The following KCNC1 variants were observed in gnomAD, a reference collection of about 807,000 sequenced individuals.
KCNC1 encodes the protein voltage-gated potassium channel KCNC1.
Under a neutral mutation model 43.4 loss-of-function variants are expected in KCNC1, and 8 were observed. That is an observed-to-expected ratio of 0.18 (90% CI 0.11 to 0.33). KCNC1 has a LOEUF of 0.33. Ranked by LOEUF, KCNC1 falls within the 10% of genes least tolerant of loss-of-function variation. The probability of loss-of-function intolerance (pLI) is 1.00; values close to 1 mark genes in which losing one functional copy is unlikely to be tolerated. For missense variants in KCNC1, 420 were observed against 836.0 expected (o/e 0.50, Z 6.14); for synonymous variants, 361 against 360.5 (o/e 1.00, Z -0.01).
At chr11:17,751,834 TGA>T (rs1345857461) in intron 1 of KCNC1, among the ~76,000 whole-genome samples, 3 of 152,166 alleles carry the variant, frequency 2.0e-5, no homozygotes, top group East Asian at 1.9e-4. Flanking sequence ...CTAGGCTGTG[TGA>T]GAGAGTCTGT....
rs891906486 is a variant in KCNC1 at position 17,779,812 on chromosome 11, C to T, written c.1693+168C>T. 1.2e-5 allele frequency: 6 copies of T among 502,092 alleles called. No homozygotes were observed. The highest frequency in any genetic ancestry group is 2.0e-5 in the Non-Finnish European group (6 of 296,732). 31.1% of individuals were successfully genotyped at this position (502,092 alleles called of 1,614,324 possible). A position where few individuals can be genotyped will look rare whatever the true frequency, so the allele number is the denominator to read the frequency against. ...CGGCCCCTGGAGGGCTGAGGCCCTT[C>T]CCCCCAAGTGAGATGTCAGGCTGGC... is the stretch of plus-strand genomic sequence containing the variant. On this transcript the variant is annotated intron_variant, in intron 3 of 3. Coordinates refer to ENST00000265969, the MANE Select transcript of KCNC1 (RefSeq NM_001112741.2). This position sits in a 1 kb window ranked among gnomAD's most constrained non-coding sequence, Gnocchi z 7.2.
In KCNC1 at chr11:17,781,952, T is replaced by C; in HGVS notation, c.*218T>C. On this transcript the variant is annotated 3_prime_UTR_variant, in exon 4 of 4. Transcript: ENST00000265969. This position sits in a 1 kb window ranked among gnomAD's most constrained non-coding sequence, Gnocchi z 5.1. ...TCCTTCTTTTCATTTTTTAAAATTT[T>C]ATTTTATTTGGGGAGGGGGGGTGGA... is the stretch of plus-strand genomic sequence containing the variant. 1 of 466,958 alleles carries C rather than the reference T, an allele frequency of 2.1e-6. No homozygotes were observed. The allele number at this position is 466,958 out of a possible 1,614,324, so 28.9% of individuals were successfully genotyped here. A position where few individuals can be genotyped will look rare whatever the true frequency, so the allele number is the denominator to read the frequency against.
At chr11:17,766,799 G>A (rs993118790) in intron 1 of KCNC1, among the ~76,000 whole-genome samples, 6 of 151,974 alleles carry the variant, frequency 3.9e-5, no homozygotes, top group African/African-American at 1.5e-4. Context: ...GCTCTGCAGT[G>A]GGTGGGGCTG....
intron 1 of KCNC1, among the ~76,000 whole-genome samples, chr11:17,758,000 G>T (rs1329139418): frequency 3.9e-5 from 6 of 152,220 alleles, no homozygotes; most frequent in Non-Finnish European, 8.8e-5. Context: ...TTTCACAAAA[G>T]ATTTCTCTGT....
chr11:17,753,777 G>A (rs778979472), intron 1 of KCNC1, among the ~76,000 whole-genome samples: 3 of 152,196 alleles, frequency 2.0e-5, no homozygotes, highest in African/African-American at 4.8e-5. Flanking sequence ...ATCTCAAGAC[G>A]CTGGGAATAG....
At chr11:17,778,506 T>G (rs1177877852) in intron 2 of KCNC1, among the ~76,000 whole-genome samples, 2 of 152,264 alleles carry the variant, frequency 1.3e-5, no homozygotes, top group Non-Finnish European at 2.9e-5. Flanking sequence ...GCCTCATGCA[T>G]ACATCCTTGT....
At chr11:17,778,857 G>C (rs1849315516) in intron 2 of KCNC1, among the ~76,000 whole-genome samples, 1 of 141,040 alleles carries the variant, frequency 7.1e-6, no homozygotes, top group Admixed American at 7.1e-5. Flanking sequence ...ACGGGCGCAG[G>C]CTGAGTGATT....
In KCNC1 at chr11:17,777,358, A is replaced by T; in HGVS notation, c.1505-2098A>T. Reference sequence around the variant, plus strand: ...CAGCAAGTCCTCACTCCCCTCCCAGAAGGAGACGCTGCCTGGGAGGACCCA... The same window carrying T: ...CAGCAAGTCCTCACTCCCCTCCCAGTAGGAGACGCTGCCTGGGAGGACCCA... On this transcript the variant is annotated intron_variant, in intron 2 of 3. Transcript: ENST00000265969. This position sits in a 1 kb window ranked among gnomAD's most constrained non-coding sequence, Gnocchi z 4.3. The T allele has an allele frequency of 1.0e-6, 1 of 985,786 alleles. No individual in the cohort carries two copies. The highest frequency in any genetic ancestry group is 1.2e-6 in the Non-Finnish European group (1 of 829,956). 61.1% of individuals were successfully genotyped at this position (985,786 alleles called of 1,614,324 possible). A position where few individuals can be genotyped will look rare whatever the true frequency, so the allele number is the denominator to read the frequency against.
At chr11:17,774,764 T>C in intron 2 of KCNC1, 1 of 985,438 alleles carries the variant, frequency 1.0e-6, no homozygotes, top group Non-Finnish European at 1.2e-6. Flanking sequence ...CCTCTGGAGC[T>C]TGGATGCCTG....
At chr11:17,780,659 C>T (rs1210248994) in intron 3 of KCNC1, 1 of 152,340 alleles carries the variant, frequency 6.6e-6, no homozygotes, top group Non-Finnish European at 1.5e-5. Context: ...TTGGTGCAGC[C>T]TATGGTCATT....
rs145156513 is a variant in KCNC1, at chr11:17,776,419, G to A, written c.1505-3037G>A. ...CCCCGCGTGCGCCCCTCCGGTGCCC[G>A]CAGCTGGTGTGAACAGTAAGTACTT... On this transcript the variant is annotated intron_variant, in intron 2 of 3. Coordinates refer to ENST00000265969, the MANE Select transcript of KCNC1 (RefSeq NM_001112741.2). The surrounding 1 kb of genome is among the most constrained non-coding windows in gnomAD (Gnocchi z 4.4). The A allele has an allele frequency of 5.9e-3, 5,807 of 985,422 alleles. 11 individuals are homozygous for A. Among genetic ancestry groups the A allele is most frequent in the Non-Finnish European group, 6.6e-3 (5,471 of 829,944 alleles). The allele number at this position is 985,422 out of a possible 1,614,324, so 61.0% of individuals were successfully genotyped here.
Position 17,779,752 on chromosome 11 carries a change from C to T in KCNC1, c.1693+108C>T, listed in dbSNP as rs1470982228. ...GGCGCTGAGGGGCAGGCAGGCACAC[C>T]GAGGGGGGCAAGGATGGAGGGAATC... On this transcript the variant is annotated intron_variant, in intron 3 of 3. Transcript: ENST00000265969. The surrounding 1 kb of genome is among the most constrained non-coding windows in gnomAD (Gnocchi z 7.2). 9.0e-6 allele frequency: 8 copies of T among 886,986 alleles called. No homozygotes were observed. The East Asian group carries it at 1.2e-4, about 14-fold the overall frequency. The allele number at this position is 886,986 out of a possible 1,614,324, so 54.9% of individuals were successfully genotyped here. A position where few individuals can be genotyped will look rare whatever the true frequency, so the allele number is the denominator to read the frequency against.
chr11:17,774,505 T>G, intron 2 of KCNC1: 1 of 985,584 alleles, frequency 1.0e-6, no homozygotes, highest in Non-Finnish European at 1.2e-6. Context: ...AGTATTATCC[T>G]GTGCGGAGTC....
chr11:17,771,526 AG>A lies in KCNC1; in HGVS notation c.571-137del, dbSNP rs1849228273. ...GGTCGTGCAGGCCCCCTGTGCCCTGAGGAGGGAAATGTAGCACGTGCTGCAG... is the reference window on the plus strand; with the variant it reads ...GGTCGTGCAGGCCCCCTGTGCCCTGAGAGGGAAATGTAGCACGTGCTGCAG... On this transcript the variant is annotated intron_variant, in intron 1 of 3. Coordinates refer to ENST00000265969, the MANE Select transcript of KCNC1 (RefSeq NM_001112741.2). The surrounding 1 kb of genome is among the most constrained non-coding windows in gnomAD (Gnocchi z 4.7). 3 of 749,698 alleles carry A rather than the reference AG, an allele frequency of 4.0e-6. No individual in the cohort carries two copies. The South Asian group carries it at 5.3e-5, about 13-fold the overall frequency. The allele number at this position is 749,698 out of a possible 1,614,324, so 46.4% of individuals were successfully genotyped here.
intron 1 of KCNC1, among the ~76,000 whole-genome samples, chr11:17,755,897 T>C (rs1849017459): frequency 6.6e-6 from 1 of 151,976 alleles, no homozygotes; most frequent in Non-Finnish European, 1.5e-5. Flanking sequence ...GATGTGAGTG[T>C]AGATGAAGAA....
intron 1 of KCNC1, among the ~76,000 whole-genome samples, chr11:17,763,971 A>T (rs1312777935): frequency 4.5e-5 from 6 of 133,130 alleles, no homozygotes; most frequent in Non-Finnish European, 3.2e-5. Flanking sequence ...CAGCCCACAC[A>T]TGCACATATA....
At chr11:17,757,540 G>A (rs1849035673) in intron 1 of KCNC1, among the ~76,000 whole-genome samples, 1 of 152,220 alleles carries the variant, frequency 6.6e-6, no homozygotes, top group Non-Finnish European at 1.5e-5. Flanking sequence ...CACTGGTGGT[G>A]ACCAACACAG....
chr11:17,763,138 C>T (rs1001983650), intron 1 of KCNC1, among the ~76,000 whole-genome samples: 14 of 152,110 alleles, frequency 9.2e-5, no homozygotes, highest in African/African-American at 2.9e-4. Flanking sequence ...TGAGGTGAGC[C>T]GTTGTCTCTT....
rs1849295854 is a variant in KCNC1 at position 17,777,058 on chromosome 11, A to G, written c.1505-2398A>G. The G allele has an allele frequency of 7.1e-6, 7 of 985,016 alleles. No homozygotes were observed. In the South Asian group the frequency reaches 1.4e-4, roughly 20 times the overall value. The allele number at this position is 985,016 out of a possible 1,614,324, so 61.0% of individuals were successfully genotyped here. ...GTGCCAGGCTATCATCCCTCCAGGGATCCCTGATGGATGTTCCTTGTCCCC... is the reference window on the plus strand; with the variant it reads ...GTGCCAGGCTATCATCCCTCCAGGGGTCCCTGATGGATGTTCCTTGTCCCC... On this transcript the variant is annotated intron_variant, in intron 2 of 3. Transcript: ENST00000265969. The surrounding 1 kb of genome is among the most constrained non-coding windows in gnomAD (Gnocchi z 4.3).
Sources: allele counts gnomAD v4.1 joint callset (sites outside exome capture counted in the v4.1 genomes callset), GRCh38; gene constraint gnomAD v4.1.1; non-coding constraint Gnocchi (gnomAD v3.1); transcripts MANE v1.5; gene names NCBI Gene and HGNC (gene_info 2026-07-23, HGNC 2026-07-21).